The following NOL4 variants were observed in gnomAD, a reference collection of about 807,000 sequenced individuals.
The protein encoded by NOL4 is nucleolar protein 4, also known as cancer/testis antigen 125.
A neutral mutation model predicts 75.9 loss-of-function variants in NOL4; 17 were observed. The ratio of observed to expected loss-of-function variants is 0.22; its 90% confidence interval spans 0.15 to 0.34. The LOEUF is 0.34. NOL4 is among the 10% of genes least tolerant of loss of function. The pLI, the probability that NOL4 is intolerant of heterozygous loss-of-function variation, is 1.00. For synonymous variants in NOL4, 292 were observed against 289.9 expected (o/e 1.01, Z -0.07); for missense variants, 614 against 793.5 (o/e 0.77, Z 2.72).
Position 33,918,716 on chromosome 18 carries a change from A to T in NOL4, c.1542+24349T>A, listed in dbSNP as rs185351967. Among the ~76,000 whole-genome samples the T allele has an allele frequency of 1.9e-3, 285 of 152,318 alleles. 2 individuals carry two copies. The highest frequency in any genetic ancestry group is 2.1e-3 in the Non-Finnish European group (142 of 68,030). On this transcript the variant is annotated intron_variant, in intron 9 of 10. Coordinates refer to ENST00000261592, the MANE Select transcript of NOL4 (RefSeq NM_003787.5). ...ATTTTTAATGCAAAAATTTTGGCAT[A>T]TATGTTTGGGTGATAAGACACTTGC...
intron 2 of NOL4, among the ~76,000 whole-genome samples, chr18:34,120,496 T>C (rs80301528): frequency 0.02 from 2,982 of 152,274 alleles, 35 homozygotes; most frequent in Non-Finnish European, 0.025. Flanking sequence ...ACTCTGTCCA[T>C]CCAAAGTTAT....
At chr18:33,879,248 G>A (rs778299061) in intron 10 of NOL4, among the ~76,000 whole-genome samples, 1 of 151,964 alleles carries the variant, frequency 6.6e-6, no homozygotes, top group Non-Finnish European at 1.5e-5. Context: ...TCTCCCCACT[G>A]CCACATCTAC....
intron 8 of NOL4, among the ~76,000 whole-genome samples, chr18:33,956,847 G>GGA (rs2069685360): frequency 6.6e-6 from 1 of 151,212 alleles, no homozygotes; most frequent in African/African-American, 2.4e-5. Context: ...TTACTTTCAA[G>GGA]GACTGCAATT....
chr18:34,023,949 G>A (rs73955100), intron 5 of NOL4, among the ~76,000 whole-genome samples: 1 of 151,764 alleles, frequency 6.6e-6, no homozygotes, highest in South Asian at 2.1e-4. Flanking sequence ...TATCCCACCA[G>A]CATTTTGTAG....
rs151278739 is a variant in NOL4 at position 34,065,696 on chromosome 18, A to G, written c.772+27769T>C. The stretch of plus-strand genomic sequence containing the variant: ...GCTTCATTTTATTTTTTTATTATAA[A>G]TCATGCAAATCTATGTCTACTCACT... On this transcript the variant is annotated intron_variant, in intron 5 of 10. Coordinates refer to ENST00000261592, the MANE Select transcript of NOL4 (RefSeq NM_003787.5). Among the ~76,000 whole-genome samples, 197 of 152,082 alleles carry G rather than the reference A, an allele frequency of 1.3e-3. 1 individual carries two copies. The highest frequency in any genetic ancestry group is 4.5e-3 in the African/African-American group (187 of 41,550).
rs61099889 is a variant in NOL4, at chr18:33,918,555, A to G, written c.1542+24510T>C. On this transcript the variant is annotated intron_variant, in intron 9 of 10. Transcript: ENST00000261592. ...GCATTCTTATTCCTATTCTTTTAACATAATTTTCTGTCTACTAAAGAAACG... is the reference window on the plus strand; with the variant it reads ...GCATTCTTATTCCTATTCTTTTAACGTAATTTTCTGTCTACTAAAGAAACG... 9.6e-3 allele frequency among the ~76,000 whole-genome samples: 1,469 copies of G among 152,304 alleles called. 26 individuals carry two copies. Among genetic ancestry groups the G allele is most frequent in the African/African-American group, 0.033 (1,376 of 41,550 alleles).
At chr18:34,184,158 T>C (rs1297561654) in intron 1 of NOL4, among the ~76,000 whole-genome samples, 2 of 151,690 alleles carry the variant, frequency 1.3e-5, no homozygotes, top group African/African-American at 4.8e-5. Context: ...AAAATGGCCC[T>C]GCAAAGTAAT....
Position 33,950,220 on chromosome 18 carries a change from AT to A in NOL4, c.1429-7043del, listed in dbSNP as rs566082010. On this transcript the variant is annotated intron_variant, in intron 8 of 10. Coordinates refer to ENST00000261592, the MANE Select transcript of NOL4 (RefSeq NM_003787.5). ...GGCCTTTTGGTTAAGATCAAGTGTA[AT>A]TTTTTTTTAACACTTTAATAGTTTA... Among the ~76,000 whole-genome samples the A allele has an allele frequency of 1.3e-3, 196 of 150,978 alleles. 2 individuals are homozygous for A. Among genetic ancestry groups the A allele is most frequent in the East Asian group, 3.5e-3 (18 of 5,148 alleles).
At chr18:34,003,792 A>G (rs1480475790) in intron 6 of NOL4, among the ~76,000 whole-genome samples, 1 of 151,986 alleles carries the variant, frequency 6.6e-6, no homozygotes, top group Non-Finnish European at 1.5e-5. Context: ...TAAGGCCCTC[A>G]ACTAACTAAC....
At chr18:33,881,208 T>C (rs1213283385) in intron 10 of NOL4, among the ~76,000 whole-genome samples, 1 of 150,778 alleles carries the variant, frequency 6.6e-6, no homozygotes, top group Non-Finnish European at 1.5e-5. Context: ...TTTTTGTACA[T>C]TGATTTTGTA....
At chr18:34,206,666 C>A (rs1045307535) in intron 1 of NOL4, among the ~76,000 whole-genome samples, 5 of 152,046 alleles carry the variant, frequency 3.3e-5, no homozygotes, top group Non-Finnish European at 7.4e-5. Context: ...AGATGGTTTT[C>A]TTTCATTAGT....
intron 6 of NOL4, among the ~76,000 whole-genome samples, chr18:33,969,758 C>CAAA (rs5823932): frequency 0.17 from 24,026 of 140,632 alleles, 2,405 homozygotes; most frequent in East Asian, 0.4. Flanking sequence ...AGTGCTTGTC[C>CAAA]AAAAAAAAAA....
At chr18:34,082,015 A>G (rs549565550) in intron 5 of NOL4, among the ~76,000 whole-genome samples, 1 of 152,204 alleles carries the variant, frequency 6.6e-6, no homozygotes, top group Non-Finnish European at 1.5e-5. Flanking sequence ...TACATGCATG[A>G]TAATAGGAAG....
chr18:34,018,300 A>G (rs1037527980), intron 6 of NOL4, among the ~76,000 whole-genome samples: 1 of 152,158 alleles, frequency 6.6e-6, no homozygotes, highest in Non-Finnish European at 1.5e-5. Context: ...CATTTGCCAC[A>G]GCAAAAGTTG....
At chr18:34,104,278 G>A (rs1339558376) in intron 3 of NOL4, 119 bp from the exon 4 acceptor site, 5 of 654,332 alleles carry the variant, frequency 7.6e-6, no homozygotes, top group Non-Finnish European at 1.1e-5. Context: ...CTTAAAGCAT[G>A]GTAGCATTAT....
intron 1 of NOL4, among the ~76,000 whole-genome samples, chr18:34,147,104 T>G (rs1441532330): frequency 2.0e-5 from 3 of 152,180 alleles, no homozygotes; most frequent in African/African-American, 4.8e-5. Flanking sequence ...CTTATGCGCT[T>G]AAGGAGATTT....
At chr18:33,964,466 AC>A (rs1331988424) in intron 6 of NOL4, among the ~76,000 whole-genome samples, 78 of 144,972 alleles carry the variant, frequency 5.4e-4, no homozygotes, top group African/African-American at 1.8e-3. Context: ...AGAAAGGAAA[AC>A]AAAGAAAAGA....
chr18:34,018,120 GATTA>G (rs2074813913), intron 6 of NOL4, among the ~76,000 whole-genome samples: 1 of 152,114 alleles, frequency 6.6e-6, no homozygotes, highest in Non-Finnish European at 1.5e-5. Flanking sequence ...AGCATTTCAC[GATTA>G]TTTAAACTTC....
chr18:34,059,760 A>C (rs530468850), intron 5 of NOL4, among the ~76,000 whole-genome samples: 3 of 152,116 alleles, frequency 2.0e-5, no homozygotes, highest in Non-Finnish European at 2.9e-5. Context: ...GTTCTTTAGC[A>C]CTTTTTGTAC....
Sources: gnomAD v4.1 joint callset for allele counts (sites outside exome capture counted in the v4.1 genomes callset) on GRCh38, gnomAD v4.1.1 for gene constraint, MANE v1.5 for transcripts, NCBI Gene and HGNC (gene_info 2026-07-23, HGNC 2026-07-21) for gene names.